SIPA1L1: variants seen among roughly 807,000 people sequenced by gnomAD.
SIPA1L1 encodes signal-induced proliferation-associated 1-like protein 1.
In SIPA1L1, 26 loss-of-function variants were observed where a neutral mutation model predicts 162.7. The ratio of observed to expected loss-of-function variants is 0.16; its 90% CI spans 0.12 to 0.22. The LOEUF is 0.22. Ranked by LOEUF, SIPA1L1 falls within the 10% of genes least tolerant of loss-of-function variation. The probability of loss-of-function intolerance (pLI) is 1.00; values close to 1 mark genes in which losing one functional copy is unlikely to be tolerated. For missense variants in SIPA1L1, 1,874 were observed against 2,241.0 expected (o/e 0.84, Z 3.31); for synonymous variants, 829 against 837.4 (o/e 0.99, Z 0.17).
At chr14:71,624,433 G>A (rs1012750920) in intron 7 of SIPA1L1, among the ~76,000 whole-genome samples, 197 bp downstream of exon 7, 3 of 152,114 alleles carry the variant, frequency 2.0e-5, no homozygotes, top group Non-Finnish European at 4.4e-5. Context: ...AATTCTGCAT[G>A]TCAGAATTTA....
intron 2 of SIPA1L1, among the ~76,000 whole-genome samples, chr14:71,433,376 G>C (rs955230640): frequency 6.6e-6 from 1 of 152,208 alleles, no homozygotes; most frequent in African/African-American, 2.4e-5. Context: ...GAGTGCAGTA[G>C]TGCAATCACA....
At chr14:71,387,482 A>ATC (rs1404216994) in intron 2 of SIPA1L1, among the ~76,000 whole-genome samples, 2 of 152,160 alleles carry the variant, frequency 1.3e-5, no homozygotes, top group Non-Finnish European at 2.9e-5. Context: ...TAAAGGTCAC[A>ATC]TCTTAAAGTT....
intron 2 of SIPA1L1, among the ~76,000 whole-genome samples, chr14:71,354,795 T>G (rs905697859): frequency 6.6e-6 from 1 of 152,228 alleles, no homozygotes; most frequent in African/African-American, 2.4e-5. Context: ...GAATATAGTT[T>G]ATGTTTTAAC....
At chr14:71,551,282 G>A (rs1433478274) in intron 4 of SIPA1L1, among the ~76,000 whole-genome samples, 1 of 152,100 alleles carries the variant, frequency 6.6e-6, no homozygotes, top group Non-Finnish European at 1.5e-5. Context: ...CTTGTTTCCT[G>A]GGACTTTCTT....
At chr14:71,603,410 A>G (rs541182658) in intron 5 of SIPA1L1, among the ~76,000 whole-genome samples, 5 of 152,112 alleles carry the variant, frequency 3.3e-5, no homozygotes, top group African/African-American at 2.4e-5. Flanking sequence ...GTTATTTTAT[A>G]TATCGGTTTC....
chr14:71,576,092 G>C (rs2032979648), intron 4 of SIPA1L1, among the ~76,000 whole-genome samples: 1 of 152,136 alleles, frequency 6.6e-6, no homozygotes, highest in African/African-American at 2.4e-5. Context: ...CTAAGCTTAG[G>C]TGCTTTCAGG....
chr14:71,625,564 G>GTAA lies in SIPA1L1; in HGVS notation c.1818+1330_1818+1331insATA, dbSNP rs1182692004. ...CACATACATCTGAAGAATGCTGTGA[G>GTAA]TATCCATGTTCATAATGTGAAAATT... On this transcript the variant is annotated intron_variant, in intron 7 of 23. Transcript: ENST00000381232. Among the ~76,000 whole-genome samples, 4 of 152,346 alleles carry GTAA rather than the reference G, an allele frequency of 2.6e-5. No homozygotes were observed. The East Asian group carries it at 7.7e-4, about 29-fold the overall frequency.
chr14:71,541,617 A>T (rs558468754), intron 4 of SIPA1L1, among the ~76,000 whole-genome samples: 2 of 152,264 alleles, frequency 1.3e-5, no homozygotes, highest in East Asian at 1.9e-4. Context: ...GAATTAAAAA[A>T]TAAAAATTAG....
intron 2 of SIPA1L1, among the ~76,000 whole-genome samples, chr14:71,405,323 T>G (rs1311932243): frequency 2.0e-5 from 3 of 152,214 alleles, no homozygotes; most frequent in African/African-American, 7.2e-5. Context: ...GCATCAAAGA[T>G]GGCCAGTGGA....
rs1005798222 is a variant in SIPA1L1, at chr14:71,377,463, G to T, written c.-465+56282G>T. On this transcript the variant is annotated intron_variant, in intron 2 of 23. Coordinates refer to ENST00000381232, the MANE Select transcript of SIPA1L1 (RefSeq NM_001386936.1). This position sits in a 1 kb window ranked among gnomAD's most constrained non-coding sequence, Gnocchi z 4.8. ...TGCTCCTCACTTCCCAGACTGGGCG[G>T]CCAGGCAGAGACGCTCCTCACTTCC... Among the ~76,000 whole-genome samples the T allele has an allele frequency of 6.6e-6, 1 of 151,834 alleles. No individual in the cohort carries two copies. Among genetic ancestry groups the T allele is most frequent in the East Asian group, 1.9e-4 (1 of 5,136 alleles).
intron 6 of SIPA1L1, among the ~76,000 whole-genome samples, chr14:71,622,325 G>A (rs540447774): frequency 7.2e-4 from 109 of 152,292 alleles, no homozygotes; most frequent in Non-Finnish European, 1.2e-3. Flanking sequence ...ATAGGAACAC[G>A]AGGACTTATG....
In SIPA1L1 at chr14:71,696,407, G is replaced by C. The variant is rs543711561; in HGVS notation, c.3375-2574G>C. Reference sequence around the variant, plus strand: ...ATACTCACATGGGTGTCTGGGCTTAGGTGTAATTCTATCACCTGTAACTCC... The same window carrying C: ...ATACTCACATGGGTGTCTGGGCTTACGTGTAATTCTATCACCTGTAACTCC... On this transcript the variant is annotated intron_variant, in intron 13 of 23. Coordinates refer to ENST00000381232, the MANE Select transcript of SIPA1L1 (RefSeq NM_001386936.1). Among the ~76,000 whole-genome samples the C allele has an allele frequency of 5.3e-5, 8 of 152,278 alleles. No homozygotes were observed. In the East Asian group the frequency reaches 1.5e-3, roughly 29 times the overall value.
At chr14:71,388,299 C>T (rs1293693903) in intron 2 of SIPA1L1, among the ~76,000 whole-genome samples, 1 of 152,160 alleles carries the variant, frequency 6.6e-6, no homozygotes, top group African/African-American at 2.4e-5. Context: ...AATCTACCAT[C>T]TAGACTTTAA....
At chr14:71,417,267 C>T (rs548503706) in intron 2 of SIPA1L1, among the ~76,000 whole-genome samples, 1 of 151,478 alleles carries the variant, frequency 6.6e-6, no homozygotes, top group East Asian at 1.9e-4. Context: ...GTCAGGAGAT[C>T]GAGACCATCC....
chr14:71,479,514 G>T (rs1204098584), intron 2 of SIPA1L1, among the ~76,000 whole-genome samples: 3 of 152,118 alleles, frequency 2.0e-5, no homozygotes, highest in Non-Finnish European at 2.9e-5. Context: ...TCTTGCCTCA[G>T]CCTCCTGAGT....
chr14:71,711,270 GTA>G (rs1343191146), intron 17 of SIPA1L1, among the ~76,000 whole-genome samples: 7 of 152,210 alleles, frequency 4.6e-5, no homozygotes, highest in South Asian at 2.1e-4. Context: ...GTTTGCCAAA[GTA>G]GAACAGGAAG....
intron 7 of SIPA1L1, among the ~76,000 whole-genome samples, chr14:71,644,332 T>C (rs2041980310): frequency 6.6e-6 from 1 of 152,198 alleles, no homozygotes; most frequent in Admixed American, 6.5e-5. Context: ...CCTTGCCCTC[T>C]TGGGCTTAAG....
chr14:71,481,115 G>A (rs2048321940), intron 2 of SIPA1L1, among the ~76,000 whole-genome samples: 1 of 152,274 alleles, frequency 6.6e-6, no homozygotes, highest in East Asian at 1.9e-4. Flanking sequence ...TTATTGAGTT[G>A]CCTTTGAGAT....
intron 2 of SIPA1L1, among the ~76,000 whole-genome samples, chr14:71,440,113 C>T (rs1378442936): frequency 6.6e-6 from 1 of 152,172 alleles, no homozygotes; most frequent in East Asian, 1.9e-4. Flanking sequence ...GCAACCTCTG[C>T]CTCCCAGGTT....
Sources: gnomAD v4.1 joint callset for allele counts (sites outside exome capture counted in the v4.1 genomes callset) on GRCh38, gnomAD v4.1.1 for gene constraint, Gnocchi (gnomAD v3.1) non-coding constraint, MANE v1.5 for transcripts, NCBI Gene and HGNC (gene_info 2026-07-23, HGNC 2026-07-21) for gene names.